RCC1: variants seen among roughly 807,000 people sequenced by gnomAD.
RCC1 encodes regulator of chromosome condensation.
In RCC1, 11 loss-of-function variants were observed where a neutral mutation model predicts 44.4. The ratio of observed to expected loss-of-function variants is 0.25; its 90% CI spans 0.16 to 0.41. The LOEUF is 0.41. RCC1 is among the 10% of genes least tolerant of loss of function. The pLI is 1.00. For missense variants in RCC1, 386 were observed against 547.1 expected (o/e 0.71, Z 2.94); for synonymous variants, 213 against 216.5 (o/e 0.98, Z 0.14).
At chr1:28,507,251 C>T (rs1662031491) in intron 1 of RCC1, 1 of 445,692 alleles carries the variant, frequency 2.2e-6, no homozygotes, top group Non-Finnish European at 4.4e-6. Context: ...TTTTTAACAC[C>T]CCACTGTGGA....
In RCC1 at chr1:28,536,987, T is replaced by A; in HGVS notation, c.1090+88T>A. On this transcript the variant is annotated intron_variant, in intron 12 of 12. Transcript: ENST00000683442. The surrounding 1 kb of genome is among the most constrained non-coding windows in gnomAD (Gnocchi z 4.9). Reference sequence around the variant, plus strand: ...CCCCAATAGGCTGTGATGTCCACTCTCGGGGGAGCCGAGGTACAGAGAGCA... The same window carrying A: ...CCCCAATAGGCTGTGATGTCCACTCACGGGGGAGCCGAGGTACAGAGAGCA... The A allele has an allele frequency of 1.4e-6, 2 of 1,449,910 alleles. No individual in the cohort carries two copies. The highest frequency in any genetic ancestry group is 1.9e-6 in the Non-Finnish European group (2 of 1,053,074). 89.8% of individuals were successfully genotyped at this position (1,449,910 alleles called of 1,614,324 possible).
chr1:28,528,046 G>C (rs564079215), intron 4 of RCC1, among the ~76,000 whole-genome samples: 3 of 148,552 alleles, frequency 2.0e-5, no homozygotes, highest in Non-Finnish European at 3.0e-5. Context: ...TCGGCTGTAC[G>C]CAGTGGCTCA....
intron 4 of RCC1, among the ~76,000 whole-genome samples, chr1:28,517,226 A>C (rs1662949633): frequency 6.6e-6 from 1 of 152,168 alleles, no homozygotes; most frequent in Non-Finnish European, 1.5e-5. Context: ...CATGAAATCG[A>C]GAAAACGTCC....
intron 5 of RCC1, 40 bp downstream of exon 5, chr1:28,529,979 C>T: frequency 6.5e-7 from 1 of 1,529,236 alleles, no homozygotes; most frequent in South Asian, 1.1e-5. Context: ...CAGGTGGCCC[C>T]TTGAAACCCT....
At chr1:28,508,093 T>G in intron 1 of RCC1, 35 bp from the exon 2 acceptor site, 1 of 433,110 alleles carries the variant, frequency 2.3e-6, no homozygotes, top group Non-Finnish European at 4.7e-6. Flanking sequence ...GTTTAGGGTT[T>G]TGCTGTACTA....
intron 7 of RCC1, among the ~76,000 whole-genome samples, chr1:28,534,480 T>C (rs1664419572): frequency 6.6e-6 from 1 of 151,404 alleles, no homozygotes; most frequent in Non-Finnish European, 1.5e-5. Context: ...GCGCCCGGCC[T>C]CTTTTCTTTT....
chr1:28,535,495 T>G, intron 9 of RCC1, 115 bp downstream of exon 9: 1 of 1,509,162 alleles, frequency 6.6e-7, no homozygotes, highest in Non-Finnish European at 9.0e-7. Context: ...CTTGTGGTGT[T>G]GGTTAGGACT....
At position 28,536,330 on chromosome 1, in the gene RCC1, TG is replaced by T; in HGVS notation, c.889del (p.Val297TrpfsTer64). 6.2e-7 allele frequency: 1 copy of T among 1,614,146 alleles called. No homozygotes were observed. The highest frequency in any genetic ancestry group is 1.7e-5 in the Admixed American group (1 of 60,014). ...LTSFKNSTKSWVGFSGGQHHT... is the reference protein window; with the variant it reads ...LTSFKNSTKSXVGFSGGQHHT... Reference sequence around the variant, plus strand: ...ATCCTTCAAGAATTCCACCAAGTCCTGGGTGGGCTTCTCTGGTGGCCAGCAC... The same window carrying T: ...ATCCTTCAAGAATTCCACCAAGTCCTGGTGGGCTTCTCTGGTGGCCAGCAC... On this transcript the variant is annotated frameshift_variant, in exon 11 of 13. Transcript: ENST00000683442. LOFTEE classifies it high-confidence loss of function. This position sits in a 1 kb window ranked among gnomAD's most constrained non-coding sequence, Gnocchi z 4.9.
Position 28,536,653 on chromosome 1 carries a change from C to A in RCC1, c.938-94C>A. 1 of 1,426,690 alleles carries A rather than the reference C, an allele frequency of 7.0e-7. No homozygotes were observed. Among genetic ancestry groups the A allele is most frequent in the Non-Finnish European group, 9.7e-7 (1 of 1,034,562 alleles). 88.4% of individuals were successfully genotyped at this position (1,426,690 alleles called of 1,614,324 possible). On this transcript the variant is annotated intron_variant, in intron 11 of 12. Transcript: ENST00000683442. The surrounding 1 kb of genome is among the most constrained non-coding windows in gnomAD (Gnocchi z 4.9). Reference sequence around the variant, plus strand: ...TCTGATCGCTCTGGGAGCAGGGACACACTCCCATGGACAGGTGGACTCACC... The same window carrying A: ...TCTGATCGCTCTGGGAGCAGGGACAAACTCCCATGGACAGGTGGACTCACC...
At chr1:28,516,501 C>CAAAA (rs558641226) in intron 3 of RCC1, among the ~76,000 whole-genome samples, 1 of 119,548 alleles carries the variant, frequency 8.4e-6, no homozygotes, top group African/African-American at 2.8e-5. Flanking sequence ...GACCCCATCT[C>CAAAA]AAAAAAAAAA....
intron 4 of RCC1, among the ~76,000 whole-genome samples, chr1:28,519,233 G>A (rs570555101): frequency 1.2e-4 from 19 of 152,302 alleles, no homozygotes; most frequent in African/African-American, 4.3e-4. Context: ...ATTGTGGTCA[G>A]GGATACCACA....
At chr1:28,532,103 G>A (rs1664215591) in intron 6 of RCC1, 68 bp from the exon 7 acceptor site, 1 of 1,579,030 alleles carries the variant, frequency 6.3e-7, no homozygotes, top group Non-Finnish European at 8.6e-7. Flanking sequence ...TAGTCAAGTG[G>A]GGAGTGGCCT....
At position 28,528,420 on chromosome 1, in the gene RCC1, A is replaced by C. The variant is rs547202215; in HGVS notation, c.-9-1438A>C. On this transcript the variant is annotated intron_variant, in intron 4 of 12. Transcript: ENST00000683442. ...GCATGAGCCGAGATCGCACCATTGC[A>C]CTCTAGCCTGGGTGACAGAACGAGA... 8.6e-4 allele frequency among the ~76,000 whole-genome samples: 131 copies of C among 152,288 alleles called. 2 individuals are homozygous for C. The South Asian group carries it at 0.027, about 31-fold the overall frequency.
At chr1:28,516,194 T>C (rs912951162) in intron 3 of RCC1, among the ~76,000 whole-genome samples, 22 of 148,306 alleles carry the variant, frequency 1.5e-4, no homozygotes, top group African/African-American at 5.5e-4. Context: ...CTGGCCAACA[T>C]GGAGAAACCC....
At position 28,506,043 on chromosome 1, in the gene RCC1, CCT is replaced by C. The variant is rs148971157; in HGVS notation, c.-302_-301del. ...AAAGGATGCTTCGCGTTTTCTCTCT[CCT>C]TTTTGGAGACAGATTCGCAGTGGTC... On this transcript the variant is annotated 5_prime_UTR_variant, in exon 1 of 13. Transcript: ENST00000683442. The C allele has an allele frequency of 1.4e-3, 619 of 456,014 alleles. 4 individuals are homozygous for C. Among genetic ancestry groups the C allele is most frequent in the African/African-American group, 0.011 (536 of 50,176 alleles). 28.2% of individuals were successfully genotyped at this position (456,014 alleles called of 1,614,324 possible). A position where few individuals can be genotyped will look rare whatever the true frequency, so the allele number is the denominator to read the frequency against.
chr1:28,511,833 T>G (rs2124608372), intron 3 of RCC1, among the ~76,000 whole-genome samples: 1 of 151,760 alleles, frequency 6.6e-6, no homozygotes, highest in African/African-American at 2.4e-5. Flanking sequence ...GCTAATTTTT[T>G]TTGCATTTTT....
chr1:28,522,996 A>T (rs1203979729), intron 4 of RCC1, among the ~76,000 whole-genome samples: 1 of 145,794 alleles, frequency 6.9e-6, no homozygotes, highest in East Asian at 2.0e-4. Flanking sequence ...ACTACTAGGG[A>T]GCATGGGGAG....
chr1:28,536,360 A>C lies in RCC1; in HGVS notation c.916A>C (p.Thr306Pro), dbSNP rs1390775045. The C allele has an allele frequency of 6.2e-7, 1 of 1,614,026 alleles. No individual in the cohort carries two copies. Among genetic ancestry groups the C allele is most frequent in the South Asian group, 1.1e-5 (1 of 91,084 alleles). Residue 306 changes from threonine (T) to proline (P), a missense_variant, in exon 11 of 13, where the codon ACA becomes CCA. Transcript: ENST00000683442. The surrounding 1 kb of genome is among the most constrained non-coding windows in gnomAD (Gnocchi z 4.9). ...GGGCTTCTCTGGTGGCCAGCACCAT[A>C]CAGTCTGCATGGATTCGGAAGGTAG... ...WVGFSGGQHH[T>P]VCMDSEGKAY...
Position 28,529,922 on chromosome 1 carries a change from A to G in RCC1, c.56A>G (p.Lys19Arg). Residue 19 changes from lysine to arginine, a missense_variant, in exon 5 of 13, where the codon AAA becomes AGA. Physicochemically the swap from Lys to Arg is conservative, Grantham distance 26. Coordinates refer to ENST00000683442, the MANE Select transcript of RCC1 (RefSeq NM_001381865.2). ...TCCCCCCCAGCAGATGCCATCCCCAAAAGCAAGAAGGTGAAGGGTAAGTTG... is the reference window on the plus strand; with the variant it reads ...TCCCCCCCAGCAGATGCCATCCCCAGAAGCAAGAAGGTGAAGGGTAAGTTG... ...RRSPPADAIPKSKKVKVSHRS... is the reference protein window; with the variant it reads ...RRSPPADAIPRSKKVKVSHRS... 1 of 1,613,958 alleles carries G rather than the reference A, an allele frequency of 6.2e-7. No individual in the cohort carries two copies.
Sources: gnomAD v4.1 joint callset for allele counts (sites outside exome capture counted in the v4.1 genomes callset) on GRCh38, gnomAD v4.1.1 for gene constraint, Gnocchi (gnomAD v3.1) non-coding constraint, MANE v1.5 for transcripts, NCBI Gene and HGNC (gene_info 2026-07-23, HGNC 2026-07-21) for gene names.